The following CACNB4 variants were observed in gnomAD, a reference collection of about 807,000 sequenced individuals.
The protein encoded by CACNB4 is calcium voltage-gated channel auxiliary subunit beta 4.
A neutral mutation model predicts 71.2 loss-of-function variants in CACNB4; 32 were observed. The observed-to-expected ratio is 0.45, with a 90% CI of 0.34 to 0.60. The LOEUF is 0.60. Ranked by LOEUF, CACNB4 falls within the 20% of genes least tolerant of loss-of-function variation. The pLI is 0.01. For missense variants in CACNB4, 464 were observed against 647.9 expected, an observed-to-expected ratio of 0.72 and a Z score of 3.08; for synonymous variants, 231 against 236.9, an observed-to-expected ratio of 0.97 and a Z score of 0.23.
chr2:152,058,268 C>A (rs150200674), intron 2 of CACNB4, among the ~76,000 whole-genome samples: 6 of 152,058 alleles, frequency 3.9e-5, no homozygotes, highest in Non-Finnish European at 8.8e-5. Flanking sequence ...AAATTGGTAC[C>A]GCAAAGAGGG....
intron 2 of CACNB4, among the ~76,000 whole-genome samples, chr2:151,953,121 C>G (rs1258948058): frequency 6.6e-6 from 1 of 152,090 alleles, no homozygotes; most frequent in Non-Finnish European, 1.5e-5. Flanking sequence ...TATCCTGACA[C>G]AGAAAATGAA....
intron 2 of CACNB4, among the ~76,000 whole-genome samples, chr2:152,075,007 A>G (rs1686930650): frequency 1.3e-5 from 2 of 152,180 alleles, no homozygotes; most frequent in South Asian, 4.1e-4. Flanking sequence ...CAGACTTCCC[A>G]CCAGTCTCTG....
At chr2:151,851,021 T>A (rs1223480820) in intron 12 of CACNB4, 2 of 152,238 alleles carry the variant, frequency 1.3e-5, no homozygotes, top group Admixed American at 6.5e-5. Context: ...TTGCCTTTCA[T>A]TTCTTAGCAA....
chr2:152,095,692 G>A (rs897112380), intron 2 of CACNB4, among the ~76,000 whole-genome samples: 3 of 151,974 alleles, frequency 2.0e-5, no homozygotes, highest in Non-Finnish European at 2.9e-5. Flanking sequence ...CTGCTCTGTC[G>A]CCCGGCTGGA....
chr2:151,888,601 T>C (rs2099849958), intron 2 of CACNB4, among the ~76,000 whole-genome samples: 1 of 152,126 alleles, frequency 6.6e-6, no homozygotes, highest in African/African-American at 2.4e-5. Context: ...GTGATCATAC[T>C]GGAACAGAAT....
At chr2:151,994,657 G>A (rs6433754) in intron 2 of CACNB4, among the ~76,000 whole-genome samples, 69,264 of 152,090 alleles carry the variant, frequency 0.46, 19,560 homozygotes, top group Non-Finnish European at 0.63. Flanking sequence ...GATTAGAGGC[G>A]CCTGTCCCTT....
chr2:151,965,936 C>T (rs2099870981), intron 2 of CACNB4, among the ~76,000 whole-genome samples: 1 of 152,190 alleles, frequency 6.6e-6, no homozygotes, highest in South Asian at 2.1e-4. Context: ...ATACCTGCTT[C>T]CTTCAAAGAT....
chr2:152,060,850 T>TA (rs1159101333), intron 2 of CACNB4, among the ~76,000 whole-genome samples: 10 of 151,712 alleles, frequency 6.6e-5, no homozygotes, highest in Non-Finnish European at 1.2e-4. Context: ...TAAATTTTTG[T>TA]AAAAAAAAGC....
In CACNB4 at chr2:152,098,627, C is replaced by T; in HGVS notation, c.64-214G>A. 6.4e-7 allele frequency: 1 copy of T among 1,563,418 alleles called. No individual in the cohort carries two copies. The highest frequency in any genetic ancestry group is 8.7e-7 in the Non-Finnish European group (1 of 1,152,948). ...TGAAAAGATGCTCGAGAAGAGCAGC[C>T]CGCAAGCACCCACCACATCCATTAA... On this transcript the variant is annotated intron_variant, in intron 1 of 13. Transcript: ENST00000539935. This position sits in a 1 kb window ranked among gnomAD's most constrained non-coding sequence, Gnocchi z 5.3.
intron 2 of CACNB4, among the ~76,000 whole-genome samples, chr2:152,001,526 TAAAAAAAAAAAA>T (rs70974816): frequency 1.2e-3 from 42 of 35,490 alleles, no homozygotes; most frequent in Admixed American, 3.8e-3. Context: ...CCATCTCTAC[TAAAAAAAAAAAA>T]AAAAAAAAAA....
intron 2 of CACNB4, among the ~76,000 whole-genome samples, chr2:151,977,871 A>T (rs1247647216): frequency 6.6e-6 from 1 of 152,244 alleles, no homozygotes; most frequent in African/African-American, 2.4e-5. Flanking sequence ...CACAAGCCCA[A>T]GGTCTCTGTT....
At chr2:152,095,515 A>T (rs1409672071) in intron 2 of CACNB4, among the ~76,000 whole-genome samples, 2 of 152,018 alleles carry the variant, frequency 1.3e-5, no homozygotes, top group African/African-American at 4.8e-5. Flanking sequence ...CAATATATAT[A>T]TTTTTTGGTA....
intron 2 of CACNB4, among the ~76,000 whole-genome samples, chr2:151,926,034 G>T (rs1360548042): frequency 6.6e-6 from 1 of 152,170 alleles, no homozygotes; most frequent in Non-Finnish European, 1.5e-5. Flanking sequence ...TTGGAATTCA[G>T]GAGATAGGTT....
intron 2 of CACNB4, among the ~76,000 whole-genome samples, chr2:152,094,681 A>G (rs1688169461): frequency 6.6e-6 from 1 of 152,208 alleles, no homozygotes; most frequent in Non-Finnish European, 1.5e-5. Flanking sequence ...CTCCATTGCT[A>G]GATTATAAAA....
At chr2:151,937,357 A>G (rs1218815096) in intron 2 of CACNB4, among the ~76,000 whole-genome samples, 1 of 152,190 alleles carries the variant, frequency 6.6e-6, no homozygotes. Flanking sequence ...CACTATGAAA[A>G]TGCAAAGAAC....
chr2:152,029,187 T>G (rs1684127921), intron 2 of CACNB4, among the ~76,000 whole-genome samples: 2 of 151,814 alleles, frequency 1.3e-5, no homozygotes, highest in East Asian at 3.9e-4. Flanking sequence ...GAGATTAGGG[T>G]TCTTATAAGA....
chr2:152,054,625 T>G (rs1045863050), intron 2 of CACNB4, among the ~76,000 whole-genome samples: 5 of 152,194 alleles, frequency 3.3e-5, no homozygotes, highest in Non-Finnish European at 5.9e-5. Flanking sequence ...AAGATAACTC[T>G]ATACTTAACC....
intron 2 of CACNB4, among the ~76,000 whole-genome samples, chr2:151,915,533 A>C (rs909921136): frequency 5.9e-5 from 9 of 152,172 alleles, no homozygotes; most frequent in Non-Finnish European, 1.2e-4. Context: ...AGCTGACTCC[A>C]GCTGAGAGGC....
intron 2 of CACNB4, among the ~76,000 whole-genome samples, chr2:151,908,429 A>G (rs1009462921): frequency 6.6e-6 from 1 of 152,238 alleles, no homozygotes; most frequent in East Asian, 1.9e-4. Context: ...AAGGCCAATC[A>G]GGGTACCTGA....
Sources: allele counts gnomAD v4.1 joint callset (sites outside exome capture counted in the v4.1 genomes callset), GRCh38; gene constraint gnomAD v4.1.1; non-coding constraint Gnocchi (gnomAD v3.1); transcripts MANE v1.5; gene names NCBI Gene and HGNC (gene_info 2026-07-23, HGNC 2026-07-21).